The following PHF10 variants were observed in gnomAD, a reference collection of about 807,000 sequenced individuals.
PHF10 encodes PHD finger protein 10, also known as BRG1-associated factor 45a.
A neutral mutation model predicts 68.5 loss-of-function variants in PHF10; 51 were observed. That is an observed-to-expected ratio of 0.74 (90% CI 0.59 to 0.94). PHF10 has a LOEUF of 0.94. Ranked by LOEUF, PHF10 falls within the 40% of genes least tolerant of loss-of-function variation. The probability of loss-of-function intolerance (pLI) is 0.00; values close to 1 mark genes in which losing one functional copy is unlikely to be tolerated. For synonymous variants in PHF10, 204 were observed against 203.5 expected (o/e 1.00, Z -0.02); for missense variants, 460 against 602.6 (o/e 0.76, Z 2.48).
intron 11 of PHF10, chr6:169,704,775 A>G (rs917949243): frequency 4.4e-5 from 8 of 183,238 alleles, no homozygotes; most frequent in African/African-American, 1.9e-4. Context: ...GAAATCTATA[A>G]TAGATTTCTA....
At chr6:169,706,906 T>A (rs1054232088) in intron 9 of PHF10, 19 of 152,146 alleles carry the variant, frequency 1.2e-4, no homozygotes, top group African/African-American at 4.3e-4. Flanking sequence ...AACTCAAACG[T>A]TGTATATATT....
chr6:169,704,964 C>G (rs1488059136), intron 11 of PHF10, 169 bp downstream of exon 11: 4 of 471,216 alleles, frequency 8.5e-6, no homozygotes, highest in East Asian at 6.6e-5. Flanking sequence ...TTGGAATTGT[C>G]TAGGGATGAA....
chr6:169,709,544 G>C (rs1788881367), intron 9 of PHF10: 1 of 152,144 alleles, frequency 6.6e-6, no homozygotes. Flanking sequence ...GGGGCAGACA[G>C]AGGGAGGAAA....
intron 9 of PHF10, among the ~76,000 whole-genome samples, chr6:169,706,771 CA>C: frequency 7.9e-6 from 1 of 127,150 alleles, no homozygotes; most frequent in African/African-American, 3.1e-5. Flanking sequence ...CACACACACA[CA>C]CACACACGTA....
intron 9 of PHF10, 138 bp downstream of exon 9, chr6:169,710,098 C>T (rs974115996): frequency 6.8e-5 from 38 of 557,260 alleles, no homozygotes; most frequent in African/African-American, 1.9e-4. Flanking sequence ...AAGAAAGCAG[C>T]GGACAAAGGG....
At chr6:169,720,134 G>T (rs1285552508) in intron 2 of PHF10, among the ~76,000 whole-genome samples, 1 of 152,004 alleles carries the variant, frequency 6.6e-6, no homozygotes, top group African/African-American at 2.4e-5. Flanking sequence ...ACCTTTTAGG[G>T]TAACTATTAT....
In PHF10 at chr6:169,724,242, A is replaced by C. The variant is rs1789268244; in HGVS notation, c.-311T>G. ...GCGGCGGCGCTTCTCACGTCAGCCCAACCCGCCCGGCCGCGGCCACCGCCT... is the reference window on the plus strand; with the variant it reads ...GCGGCGGCGCTTCTCACGTCAGCCCCACCCGCCCGGCCGCGGCCACCGCCT... On this transcript the variant is annotated 5_prime_UTR_variant, in exon 1 of 12. Transcript: ENST00000339209. Among the ~76,000 whole-genome samples, 2 of 141,718 alleles carry C rather than the reference A, an allele frequency of 1.4e-5. No homozygotes were observed. The highest frequency in any genetic ancestry group is 2.2e-4 in the South Asian group (1 of 4,478). 93.0% of individuals were successfully genotyped at this position (141,718 alleles called of 152,430 possible).
chr6:169,721,628 T>C (rs1789179321), intron 1 of PHF10, among the ~76,000 whole-genome samples: 1 of 151,998 alleles, frequency 6.6e-6, no homozygotes, highest in South Asian at 2.1e-4. Flanking sequence ...CAATCTATAA[T>C]ATAGCAGCAC....
chr6:169,704,246 T>C (rs1788690872), intron 11 of PHF10, 158 bp from the exon 12 acceptor site: 2 of 557,412 alleles, frequency 3.6e-6, no homozygotes, highest in South Asian at 2.9e-5. Flanking sequence ...AAGGAAAAAA[T>C]GTAAACTTAA....
chr6:169,716,129 T>A, intron 4 of PHF10, 41 bp from the exon 5 acceptor site: 1 of 1,409,890 alleles, frequency 7.1e-7, no homozygotes, highest in South Asian at 1.4e-5. Flanking sequence ...GAAGCTCTTT[T>A]AAGGATAAGT....
chr6:169,705,488 C>G lies in PHF10; in HGVS notation c.1222+128G>C. On this transcript the variant is annotated intron_variant, in intron 10 of 11. Coordinates refer to ENST00000339209, the MANE Select transcript of PHF10 (RefSeq NM_018288.4). ...GGAAAACACATGGGCTGTGTCTATG[C>G]CTCACAAGCTACCCTGTGTATTTAA... The G allele has an allele frequency of 4.2e-6, 3 of 718,500 alleles. No individual in the cohort carries two copies. The South Asian group carries it at 5.1e-5, about 12-fold the overall frequency. 44.5% of individuals were successfully genotyped at this position (718,500 alleles called of 1,614,324 possible).
intron 1 of PHF10, among the ~76,000 whole-genome samples, chr6:169,722,643 G>C (rs1204604143): frequency 6.6e-6 from 1 of 152,190 alleles, no homozygotes; most frequent in East Asian, 1.9e-4. Context: ...TCTTGAGGGA[G>C]GTAGTAACAG....
chr6:169,718,124 A>T (rs564208274), intron 3 of PHF10, among the ~76,000 whole-genome samples: 12 of 152,354 alleles, frequency 7.9e-5, no homozygotes, highest in African/African-American at 2.9e-4. Flanking sequence ...CAAAGCAAGA[A>T]GGTCATATAA....
chr6:169,710,851 A>AAAGT (rs983788663), intron 8 of PHF10, among the ~76,000 whole-genome samples: 2 of 152,166 alleles, frequency 1.3e-5, no homozygotes, highest in African/African-American at 4.8e-5. Context: ...AAAAAAAAAA[A>AAAGT]AAGTCCTTCA....
chr6:169,717,319 G>A (rs1789073865), intron 4 of PHF10, among the ~76,000 whole-genome samples: 1 of 152,148 alleles, frequency 6.6e-6, no homozygotes. Context: ...TTGCAATGGG[G>A]TTACATATGA....
At chr6:169,717,203 C>T (rs959145087) in intron 4 of PHF10, among the ~76,000 whole-genome samples, 10 of 151,946 alleles carry the variant, frequency 6.6e-5, no homozygotes, top group African/African-American at 2.4e-4. Context: ...GAGCTAAGAT[C>T]GCGCCACTGC....
At chr6:169,710,803 G>A (rs1240118686) in intron 8 of PHF10, among the ~76,000 whole-genome samples, 1 of 149,948 alleles carries the variant, frequency 6.7e-6, no homozygotes, top group East Asian at 2.0e-4. Flanking sequence ...AAGTCATTAA[G>A]AAGGTCCTTC....
At chr6:169,715,196 T>TA (rs147912766) in intron 6 of PHF10, among the ~76,000 whole-genome samples, 1,678 of 152,292 alleles carry the variant, frequency 0.011, 32 homozygotes, top group African/African-American at 0.038. Context: ...GCAAATCTCT[T>TA]AAAAACTCTT....
chr6:169,719,816 A>G (rs1158463791), intron 2 of PHF10, among the ~76,000 whole-genome samples: 1 of 152,166 alleles, frequency 6.6e-6, no homozygotes, highest in Non-Finnish European at 1.5e-5. Flanking sequence ...AAAAGAAAAA[A>G]TAGATGAAAA....
Sources: allele counts gnomAD v4.1 joint callset (sites outside exome capture counted in the v4.1 genomes callset), GRCh38; gene constraint gnomAD v4.1.1; transcripts MANE v1.5; gene names NCBI Gene and HGNC (gene_info 2026-07-23, HGNC 2026-07-21).